SCN1A: variants seen among roughly 807,000 people sequenced by gnomAD.
SCN1A encodes sodium channel protein type 1 subunit alpha.
A neutral mutation model predicts 193.7 loss-of-function variants in SCN1A; 13 were observed. The ratio of observed to expected loss-of-function variants is 0.07; its 90% CI spans 0.04 to 0.11. The LOEUF (loss-of-function observed/expected upper bound fraction) is 0.11. SCN1A is among the 10% of genes least tolerant of loss of function. The pLI is 1.00. For missense variants in SCN1A, 1,432 were observed against 2,451.1 expected, an observed-to-expected ratio of 0.58 and a Z score of 8.78; for synonymous variants, 781 against 843.6, an observed-to-expected ratio of 0.93 and a Z score of 1.29.
intron 9 of SCN1A, among the ~76,000 whole-genome samples, chr2:166,051,506 T>C (rs1698547939): frequency 1.3e-5 from 2 of 151,928 alleles, no homozygotes; most frequent in African/African-American, 4.8e-5. Flanking sequence ...GTTTTATTTA[T>C]TTCATTAGTT....
intron 27 of SCN1A, among the ~76,000 whole-genome samples, chr2:165,994,674 CAAACA>C (rs1689771110): frequency 6.9e-6 from 1 of 145,546 alleles, no homozygotes; most frequent in African/African-American, 2.5e-5. Flanking sequence ...AACAAACAAA[CAAACA>C]AAAGAAACAT....
chr2:166,072,416 G>A (rs934312300), intron 4 of SCN1A, among the ~76,000 whole-genome samples: 9 of 152,088 alleles, frequency 5.9e-5, no homozygotes, highest in South Asian at 2.1e-4. Context: ...AAAAAAGCAC[G>A]CATTCAAATA....
intron 23 of SCN1A, among the ~76,000 whole-genome samples, chr2:166,006,043 C>T (rs986546231): frequency 6.6e-6 from 1 of 151,208 alleles, no homozygotes; most frequent in African/African-American, 2.4e-5. Context: ...ATTAAATATG[C>T]AAATTCACAT....
upstream of SCN1A, among the ~76,000 whole-genome samples, chr2:166,128,785 C>A (rs893613996): frequency 5.9e-5 from 9 of 152,040 alleles, no homozygotes; most frequent in African/African-American, 1.9e-4. Context: ...AAAGAGAGTC[C>A]AATTGCCTAT....
At chr2:166,146,375 G>T (rs2106310289) in intron 1 of SCN1A, among the ~76,000 whole-genome samples, 1 of 151,066 alleles carries the variant, frequency 6.6e-6, no homozygotes, top group East Asian at 2.0e-4. Flanking sequence ...CTTCCAAAAG[G>T]ATAAATGATA....
intron 3 of SCN1A, among the ~76,000 whole-genome samples, chr2:166,075,055 T>A (rs1414040042): frequency 6.6e-6 from 1 of 152,142 alleles, no homozygotes; most frequent in African/African-American, 2.4e-5. Context: ...GTCTACAAAC[T>A]CTGGTTCCCC....
At chr2:166,042,215 A>T in intron 15 of SCN1A, 77 bp downstream of exon 15, 1 of 1,468,908 alleles carries the variant, frequency 6.8e-7, no homozygotes, top group Non-Finnish European at 9.4e-7. Context: ...TTCCCAACTC[A>T]CAAATATATT....
In SCN1A at chr2:165,994,451, G is replaced by C. The variant is rs528848858; in HGVS notation, c.4582-35C>G. On this transcript the variant is annotated intron_variant, in intron 27 of 28. Coordinates refer to ENST00000674923, the MANE Select transcript of SCN1A (RefSeq NM_001165963.4). Reference sequence around the variant, plus strand: ...AATAGAAATGCTTTTAACAACAAAGGAGTTTTCTCATGTGCATTAGCATTA... The same window carrying C: ...AATAGAAATGCTTTTAACAACAAAGCAGTTTTCTCATGTGCATTAGCATTA... 9 of 1,605,788 alleles carry C rather than the reference G, an allele frequency of 5.6e-6. No individual in the cohort carries two copies. The African/African-American group carries it at 1.2e-4, about 21-fold the overall frequency.
chr2:166,103,843 T>C (rs933024368), intron 2 of SCN1A, among the ~76,000 whole-genome samples: 3 of 152,188 alleles, frequency 2.0e-5, no homozygotes, highest in Non-Finnish European at 4.4e-5. Context: ...AAAATATATA[T>C]TATTATCACT....
chr2:166,056,029 A>C (rs1008689718), intron 6 of SCN1A, among the ~76,000 whole-genome samples: 2 of 152,106 alleles, frequency 1.3e-5, no homozygotes, highest in African/African-American at 4.8e-5. Context: ...TTGTCTTCAC[A>C]TGGCATTTGT....
In SCN1A at chr2:165,992,238, T is replaced by C. The variant is rs2105433241; in HGVS notation, c.5037A>G (p.Leu1679=). ...CAAAGATGGCGTAGATGAACATGAC[T>C]AGGAAGAGTAGGAGGCCGATGTTAA... The part of the protein sequence containing the change: ...ALFNIGLLLF[L]VMFIYAIFGM... Residue 1679 remains leucine (L), a synonymous_variant, in exon 29 of 29, where the codon CTA becomes CTG. Coordinates refer to ENST00000674923, the MANE Select transcript of SCN1A (RefSeq NM_001165963.4). This position sits in a 1 kb window ranked among gnomAD's most constrained non-coding sequence, Gnocchi z 6.5. 1 of 1,613,770 alleles carries C rather than the reference T, an allele frequency of 6.2e-7. No homozygotes were observed. Among genetic ancestry groups the C allele is most frequent in the Non-Finnish European group, 8.5e-7 (1 of 1,179,884 alleles).
chr2:166,112,750 C>A (rs529852623), intron 2 of SCN1A, among the ~76,000 whole-genome samples: 2 of 152,130 alleles, frequency 1.3e-5, no homozygotes, highest in South Asian at 4.1e-4. Flanking sequence ...GGCTGAGGGC[C>A]CCTACATAGC....
In SCN1A at chr2:166,089,799, T is replaced by C. The variant is rs970485334; in HGVS notation, c.-141-11998A>G. On this transcript the variant is annotated intron_variant, in intron 2 of 28. Coordinates refer to ENST00000674923, the MANE Select transcript of SCN1A (RefSeq NM_001165963.4). ...ATTAAATACTCATGAGAGGAACCAG[T>C]GTTGGGTTTTATTTTTCAAACATGG... Among the ~76,000 whole-genome samples, 8 of 152,060 alleles carry C rather than the reference T, an allele frequency of 5.3e-5. 1 individual carries two copies. The highest frequency in any genetic ancestry group is 1.3e-4 in the Admixed American group (2 of 15,266).
chr2:166,137,978 A>T (rs1039916325), intron 1 of SCN1A, among the ~76,000 whole-genome samples: 1 of 151,996 alleles, frequency 6.6e-6, no homozygotes, highest in African/African-American at 2.4e-5. Flanking sequence ...AGCAAAGGTG[A>T]CTCTTGTTAT....
intron 25 of SCN1A, among the ~76,000 whole-genome samples, chr2:165,999,267 G>C (rs960078226): frequency 6.6e-6 from 1 of 151,370 alleles, no homozygotes; most frequent in Non-Finnish European, 1.5e-5. Context: ...GTTTAAAATA[G>C]GATTATTTGA....
chr2:166,023,621 C>G (rs1694350698), intron 19 of SCN1A, among the ~76,000 whole-genome samples: 2 of 151,944 alleles, frequency 1.3e-5, no homozygotes, highest in Admixed American at 6.6e-5. Context: ...GATCTGGACT[C>G]AGGAGGAGAA....
intron 2 of SCN1A, among the ~76,000 whole-genome samples, chr2:166,082,990 G>A (rs898499172): frequency 6.6e-6 from 1 of 152,022 alleles, no homozygotes; most frequent in Non-Finnish European, 1.5e-5. Flanking sequence ...AGTTCGTTTT[G>A]TAGTGTTCTT....
At chr2:166,098,712 A>G (rs1408097846) in intron 2 of SCN1A, among the ~76,000 whole-genome samples, 1 of 152,200 alleles carries the variant, frequency 6.6e-6, no homozygotes, top group Non-Finnish European at 1.5e-5. Flanking sequence ...TCCATACACC[A>G]ATAACATCCA....
chr2:166,120,036 T>A (rs1332373985), intron 2 of SCN1A, among the ~76,000 whole-genome samples: 1 of 152,072 alleles, frequency 6.6e-6, no homozygotes, highest in African/African-American at 2.4e-5. Context: ...ATAATTTTGT[T>A]GTGTAAAATT....
Sources: gnomAD v4.1 joint callset for allele counts (sites outside exome capture counted in the v4.1 genomes callset) on GRCh38, gnomAD v4.1.1 for gene constraint, Gnocchi (gnomAD v3.1) non-coding constraint, MANE v1.5 for transcripts, NCBI Gene and HGNC (gene_info 2026-07-23, HGNC 2026-07-21) for gene names.